DZIP1L: variants seen among roughly 807,000 people sequenced by gnomAD.
DZIP1L encodes DAZ interacting zinc finger protein 1 like, also known as cilium assembly protein DZIP1L.
DZIP1L carries 90 observed loss-of-function variants against 88.7 expected under a neutral mutation model. The ratio of observed to expected loss-of-function variants is 1.02; its 90% CI spans 0.86 to 1.21. The LOEUF (loss-of-function observed/expected upper bound fraction) is 1.21, where lower values mean the gene tolerates loss of function less well. Among genes scored for constraint, DZIP1L ranks in the 50% most tolerant of loss-of-function variants. The pLI, the probability that DZIP1L is intolerant of heterozygous loss-of-function variation, is 0.00. For missense variants in DZIP1L, 932 were observed against 955.8 expected (o/e 0.98, Z 0.33); for synonymous variants, 363 against 372.1 (o/e 0.98, Z 0.28).
chr3:138,092,625 T>G, intron 4 of DZIP1L, 81 bp from the exon 5 acceptor site: 1 of 1,397,532 alleles, frequency 7.2e-7, no homozygotes. Context: ...TAGGCCTCCT[T>G]GTCTATGCAA....
rs139881538 is a variant in DZIP1L at position 138,089,234 on chromosome 3, A to G, written c.871-727T>C. 19 of 985,452 alleles carry G rather than the reference A, an allele frequency of 1.9e-5. No individual in the cohort carries two copies. In the Admixed American group the frequency reaches 1.2e-3, roughly 60 times the overall value. 61.0% of individuals were successfully genotyped at this position (985,452 alleles called of 1,614,324 possible). On this transcript the variant is annotated intron_variant, in intron 5 of 15. Coordinates refer to ENST00000327532, the MANE Select transcript of DZIP1L (RefSeq NM_173543.3). ...AACACTTCTCAACTATTGCTAAACA[A>G]TACTGGTTCCAAAGGTTAACAATTT...
Position 138,084,158 on chromosome 3 carries a change from G to A in DZIP1L, c.1158C>T (p.Ala386=). 1 of 1,614,172 alleles carries A rather than the reference G, an allele frequency of 6.2e-7. No individual in the cohort carries two copies. Among genetic ancestry groups the A allele is most frequent in the Non-Finnish European group, 8.5e-7 (1 of 1,180,022 alleles). Residue 386 remains alanine (A), a synonymous_variant, in exon 8 of 16, where the codon GCC becomes GCT. Transcript: ENST00000327532. ...QSQCQISTLR[A]QLQEQARIIA... ...TGATCCTAGCTTGTTCCTGCAGCTG[G>A]GCACGGAGGGTGCTGATCTGGCACT...
chr3:138,072,048 C>T (rs1464027531), intron 11 of DZIP1L, among the ~76,000 whole-genome samples: 1 of 152,152 alleles, frequency 6.6e-6, no homozygotes, highest in African/African-American at 2.4e-5. Context: ...TTGGGAGCCC[C>T]ATCAAAATGT....
At position 138,063,802 on chromosome 3, in the gene DZIP1L, G is replaced by A. The variant is rs749942417; in HGVS notation, c.2143-825C>T. 2.0e-5 allele frequency among the ~76,000 whole-genome samples: 3 copies of A among 152,196 alleles called. No individual in the cohort carries two copies. The highest frequency in any genetic ancestry group is 4.8e-5 in the African/African-American group (2 of 41,450). ...TGGATGCATTACTCACAAACATACA[G>A]GAGCTGTGTGGTAAACCAAACACAC... On this transcript the variant is annotated intron_variant, in intron 15 of 15. Transcript: ENST00000327532. The surrounding 1 kb of genome is among the most constrained non-coding windows in gnomAD (Gnocchi z 4.1).
At chr3:138,099,398 G>A (rs999042950) in intron 2 of DZIP1L, among the ~76,000 whole-genome samples, 4 of 152,100 alleles carry the variant, frequency 2.6e-5, no homozygotes, top group Admixed American at 2.6e-4. Context: ...TGTGGCCCAA[G>A]GAAGCCAAAA....
At chr3:138,113,267 T>C (rs2042646361) in intron 1 of DZIP1L, 1 of 152,208 alleles carries the variant, frequency 6.6e-6, no homozygotes, top group Non-Finnish European at 1.5e-5. Flanking sequence ...GGAGACTTTA[T>C]GGTTCTTCTA....
intron 9 of DZIP1L, 114 bp downstream of exon 9, chr3:138,081,620 G>A (rs1943654099): frequency 2.8e-6 from 3 of 1,087,262 alleles, no homozygotes; most frequent in Non-Finnish European, 4.0e-6. Context: ...CATGTCCACA[G>A]GCTGCTGTCA....
intron 11 of DZIP1L, among the ~76,000 whole-genome samples, chr3:138,072,522 A>G (rs1268399407): frequency 6.6e-6 from 1 of 152,238 alleles, no homozygotes; most frequent in Non-Finnish European, 1.5e-5. Flanking sequence ...ACTCTACACA[A>G]ACAGCATTCC....
chr3:138,090,900 T>C (rs1313973882), intron 5 of DZIP1L, among the ~76,000 whole-genome samples: 1 of 151,940 alleles, frequency 6.6e-6, no homozygotes, highest in Non-Finnish European at 1.5e-5. Context: ...TTTTTTTTTT[T>C]TGAGAAGGAG....
chr3:138,097,889 C>A, intron 2 of DZIP1L, 42 bp from the exon 3 acceptor site: 1 of 1,544,664 alleles, frequency 6.5e-7, no homozygotes, highest in Non-Finnish European at 8.9e-7. Context: ...GATTAGGTCA[C>A]CTGAGTCAGC....
At chr3:138,087,571 G>C (rs1357312013) in intron 6 of DZIP1L, among the ~76,000 whole-genome samples, 2 of 152,152 alleles carry the variant, frequency 1.3e-5, no homozygotes, top group African/African-American at 2.4e-5. Context: ...AAATTGATAG[G>C]GGAAACATCA....
In DZIP1L at chr3:138,071,769, G is replaced by A; in HGVS notation, c.1489C>T (p.Gln497Ter). The stretch of plus-strand genomic sequence containing the variant: ...AATTCAGAAAACTTCCGGGCCTTCT[G>A]CTCCCGCTGGACTCTCAGCAGGGAT... Reference protein sequence around the residue: ...LESLLRVQREQKARKFSEFLS... With the variant: ...LESLLRVQRE Residue 497 changes from glutamine (Q) to a stop codon, truncating the protein, a stop_gained, in exon 12 of 16, where the codon CAG becomes TAG. Coordinates refer to ENST00000327532, the MANE Select transcript of DZIP1L (RefSeq NM_173543.3). LOFTEE classifies it high-confidence loss of function. 1 of 1,614,152 alleles carries A rather than the reference G, an allele frequency of 6.2e-7. No individual in the cohort carries two copies. Among genetic ancestry groups the A allele is most frequent in the South Asian group, 1.1e-5 (1 of 91,078 alleles).
chr3:138,077,467 T>C, intron 11 of DZIP1L, 32 bp downstream of exon 11: 1 of 1,613,272 alleles, frequency 6.2e-7, no homozygotes, highest in South Asian at 1.1e-5. Context: ...ATCGTAGGTA[T>C]CAGCCCTTAA....
Position 138,103,493 on chromosome 3 carries a change from G to C in DZIP1L, c.479C>G (p.Thr160Arg). ...ISTLQQLLMQ[T>R]GTHSYHTCHL... is the part of the protein sequence containing the mutation. ...CACCGTGTGGTAGCTGTGGGTGCCT[G>C]TCTGCATTAGCAGCTGCTGCAGGGT... The change falls in exon 2 of 16, where the codon ACA becomes AGA. Residue 160 changes from threonine to arginine, a missense_variant. Physicochemically the swap from Thr to Arg is moderately conservative, Grantham distance 71. Coordinates refer to ENST00000327532, the MANE Select transcript of DZIP1L (RefSeq NM_173543.3). 6.2e-7 allele frequency: 1 copy of C among 1,604,510 alleles called. No homozygotes were observed. Among genetic ancestry groups the C allele is most frequent in the South Asian group, 1.1e-5 (1 of 90,714 alleles).
At chr3:138,077,261 G>A (rs1026395779) in intron 11 of DZIP1L, among the ~76,000 whole-genome samples, 6 of 152,218 alleles carry the variant, frequency 3.9e-5, no homozygotes, top group South Asian at 2.1e-4. Flanking sequence ...TCAGGACTCA[G>A]GGTAGTATCG....
chr3:138,113,003 A>T (rs2042643503), intron 1 of DZIP1L, among the ~76,000 whole-genome samples: 1 of 152,246 alleles, frequency 6.6e-6, no homozygotes, highest in Non-Finnish European at 1.5e-5. Flanking sequence ...GAAGCTGTTT[A>T]ATCACCTTTA....
chr3:138,081,294 C>G (rs1055452294), intron 9 of DZIP1L, among the ~76,000 whole-genome samples: 1 of 152,126 alleles, frequency 6.6e-6, no homozygotes, highest in Non-Finnish European at 1.5e-5. Flanking sequence ...ATCCCCACAC[C>G]AGAGTACCCA....
chr3:138,082,146 G>A (rs1943691421), intron 8 of DZIP1L, among the ~76,000 whole-genome samples: 1 of 152,248 alleles, frequency 6.6e-6, no homozygotes, highest in Non-Finnish European at 1.5e-5. Flanking sequence ...GGGCGTCTGA[G>A]CAGAGCACTC....
At chr3:138,089,308 CACA>C in intron 5 of DZIP1L, 5 of 980,884 alleles carry the variant, frequency 5.1e-6, no homozygotes, top group Non-Finnish European at 6.1e-6. Flanking sequence ...CAGATGTATG[CACA>C]ACTCCCGGGT....
Sources: gnomAD v4.1 joint callset for allele counts (sites outside exome capture counted in the v4.1 genomes callset) on GRCh38, gnomAD v4.1.1 for gene constraint, Gnocchi (gnomAD v3.1) non-coding constraint, MANE v1.5 for transcripts, NCBI Gene and HGNC (gene_info 2026-07-23, HGNC 2026-07-21) for gene names.